Variants in ABHD10 observed in about 807,000 individuals in gnomAD.
The protein encoded by ABHD10 is abhydrolase domain containing 10, depalmitoylase, also known as palmitoyl-protein thioesterase ABHD10, mitochondrial.
ABHD10 carries 22 observed loss-of-function variants against 33.1 expected under a neutral mutation model. The ratio of observed to expected loss-of-function variants is 0.66; its 90% CI spans 0.47 to 0.95. The LOEUF (loss-of-function observed/expected upper bound fraction) is 0.95, where lower values mean the gene tolerates loss of function less well. Ranked by LOEUF, ABHD10 falls within the 40% of genes least tolerant of loss-of-function variation. ABHD10 has a pLI of 0.00. For synonymous variants in ABHD10, 146 were observed against 133.9 expected, an observed-to-expected ratio of 1.09 and a Z score of -0.62; for missense variants, 352 against 379.9, an observed-to-expected ratio of 0.93 and a Z score of 0.61.
chr3:111,991,572 A>G lies in ABHD10; in HGVS notation c.772A>G (p.Met258Val), dbSNP rs748865561. Residue 258 changes from methionine (M) to valine (V), a missense_variant, in exon 5 of 5, where the codon ATG becomes GTG. Physicochemically the swap from Met to Val is conservative, Grantham distance 21 (BLOSUM62 1). Coordinates refer to ENST00000273359, the MANE Select transcript of ABHD10 (RefSeq NM_018394.4). ...KDDIVPWHTS[M>V]QVADRVLSTD... ...TGACATTGTACCTTGGCATACATCA[A>G]TGCAGGTTGCCGATCGAGTACTCAG... The G allele has an allele frequency of 3.7e-6, 6 of 1,614,164 alleles. No homozygotes were observed. Among genetic ancestry groups the G allele is most frequent in the Non-Finnish European group, 5.1e-6 (6 of 1,179,994 alleles).
At chr3:111,989,668 TCTTTA>T (rs1471615332) in intron 4 of ABHD10, among the ~76,000 whole-genome samples, 1 of 152,204 alleles carries the variant, frequency 6.6e-6, no homozygotes, top group Admixed American at 6.5e-5. Flanking sequence ...CTAAATGTCA[TCTTTA>T]CTTTAAATAT....
At chr3:111,982,709 A>G (rs2072602238) in intron 2 of ABHD10, among the ~76,000 whole-genome samples, 1 of 152,164 alleles carries the variant, frequency 6.6e-6, no homozygotes. Context: ...AGGAGGTTGG[A>G]CTAGAGATAA....
chr3:111,988,928 C>T (rs767992094), intron 4 of ABHD10, among the ~76,000 whole-genome samples: 5 of 152,142 alleles, frequency 3.3e-5, no homozygotes, highest in Admixed American at 6.5e-5. Flanking sequence ...TCACATCAGT[C>T]AGAGTGAGCA....
chr3:111,986,280 G>T lies in ABHD10; in HGVS notation c.343G>T (p.Val115Phe), dbSNP rs1252249538. 3 of 1,612,748 alleles carry T rather than the reference G, an allele frequency of 1.9e-6. No homozygotes were observed. The highest frequency in any genetic ancestry group is 2.5e-6 in the Non-Finnish European group (3 of 1,179,026). ...HACIRFDYSGVGSSDGNSEES... is the reference protein window; with the variant it reads ...HACIRFDYSGFGSSDGNSEES... The stretch of plus-strand genomic sequence containing the variant: ...TTTTTCCAGGTTTGATTACTCAGGA[G>T]TTGGAAGTTCAGATGGTAACTCAGA... Residue 115 changes from valine (V) to phenylalanine (F), a missense_variant, in exon 3 of 5, where the codon GTT becomes TTT. Transcript: ENST00000273359.
At chr3:111,986,436 T>TGTTTC in intron 3 of ABHD10, 61 bp downstream of exon 3, 3 of 1,299,894 alleles carry the variant, frequency 2.3e-6, no homozygotes. Context: ...CTGTTTGTTT[T>TGTTTC]GTTTTGTTTT....
chr3:111,988,016 A>G (rs2072691346), intron 4 of ABHD10, among the ~76,000 whole-genome samples: 1 of 152,204 alleles, frequency 6.6e-6, no homozygotes, highest in Admixed American at 6.5e-5. Flanking sequence ...GGTATGGCCC[A>G]GCAGTCTGTG....
rs2072749743 is a variant in ABHD10 at position 111,992,212 on chromosome 3, A to T, written c.*491A>T. ...AAGTTCACAATAAGGATAATACTTT[A>T]TATAATGTATAAAGTATATATAATA... On this transcript the variant is annotated 3_prime_UTR_variant, in exon 5 of 5. Coordinates refer to ENST00000273359, the MANE Select transcript of ABHD10 (RefSeq NM_018394.4). 1 of 145,384 alleles carries T rather than the reference A, an allele frequency of 6.9e-6. No homozygotes were observed. Among genetic ancestry groups the T allele is most frequent in the African/African-American group, 2.5e-5 (1 of 39,654 alleles). The allele number at this position is 145,384 out of a possible 1,614,324, so 9.0% of individuals were successfully genotyped here.
intron 3 of ABHD10, 53 bp downstream of exon 3, chr3:111,986,428 G>GTTTGTTTTGTTTTGTTTTGTTTTGT: frequency 9.8e-7 from 1 of 1,018,750 alleles, no homozygotes; most frequent in African/African-American, 1.7e-5. Context: ...TATTTAAGCT[G>GTTTGTTTTGTTTTGTTTTGTTTTGT]TTTGTTTTGT....
At chr3:111,984,130 G>T (rs78882596) in intron 2 of ABHD10, among the ~76,000 whole-genome samples, 3,005 of 152,234 alleles carry the variant, frequency 0.02, 38 homozygotes, top group Non-Finnish European at 0.027. Flanking sequence ...GAGAAAAGGA[G>T]AAAATTAGTT....
At position 111,983,309 on chromosome 3, in the gene ABHD10, T is replaced by C. The variant is rs945102084; in HGVS notation, c.326+1342T>C. On this transcript the variant is annotated intron_variant, in intron 2 of 4. Transcript: ENST00000273359. ...GCAGAAGATCATAATATCAAAAATA[T>C]TGTTATCACTTTTCTTTTTTGCCAC... 1.7e-4 allele frequency among the ~76,000 whole-genome samples: 26 copies of C among 152,282 alleles called. No individual in the cohort carries two copies. In the East Asian group the frequency reaches 1.7e-3, roughly 10 times the overall value.
intron 1 of ABHD10, among the ~76,000 whole-genome samples, chr3:111,981,140 C>CA (rs1289544549): frequency 2.0e-5 from 3 of 151,394 alleles, no homozygotes; most frequent in Non-Finnish European, 4.4e-5. Context: ...CCTGTCTCCA[C>CA]AAAAAATACA....
rs771181963 is a variant in ABHD10, at chr3:111,979,034, A to G, written c.-28A>G. The G allele has an allele frequency of 5.0e-6, 8 of 1,603,228 alleles. No homozygotes were observed. In the African/African-American group the frequency reaches 6.7e-5, roughly 13 times the overall value. ...TGCGTAGCGTGTCCCTCAGTGGGAC[A>G]CTGCAGGGTGCGGGGACAACTACGA... On this transcript the variant is annotated 5_prime_UTR_variant, in exon 1 of 5. Coordinates refer to ENST00000273359, the MANE Select transcript of ABHD10 (RefSeq NM_018394.4).
At chr3:111,980,398 A>G (rs553619875) in intron 1 of ABHD10, among the ~76,000 whole-genome samples, 1 of 152,344 alleles carries the variant, frequency 6.6e-6, no homozygotes, top group African/African-American at 2.4e-5. Flanking sequence ...CTTCTTAATT[A>G]CAAAATGGGG....
intron 1 of ABHD10, among the ~76,000 whole-genome samples, chr3:111,980,177 G>A (rs1016745948): frequency 2.6e-5 from 4 of 152,104 alleles, no homozygotes; most frequent in Non-Finnish European, 2.9e-5. Flanking sequence ...TCATCTCGGG[G>A]AAATTATGTT....
At chr3:111,989,042 C>A (rs1206198987) in intron 4 of ABHD10, among the ~76,000 whole-genome samples, 1 of 152,174 alleles carries the variant, frequency 6.6e-6, no homozygotes, top group East Asian at 1.9e-4. Context: ...GCATGTTGAG[C>A]CCTTGGTTAA....
In ABHD10 at chr3:111,979,033, C is replaced by G. The variant is rs747441633; in HGVS notation, c.-29C>G. The G allele has an allele frequency of 6.2e-7, 1 of 1,602,216 alleles. No individual in the cohort carries two copies. The highest frequency in any genetic ancestry group is 1.3e-5 in the African/African-American group (1 of 74,824). ...TTGCGTAGCGTGTCCCTCAGTGGGA[C>G]ACTGCAGGGTGCGGGGACAACTACG... On this transcript the variant is annotated 5_prime_UTR_variant, in exon 1 of 5. Coordinates refer to ENST00000273359, the MANE Select transcript of ABHD10 (RefSeq NM_018394.4).
At position 111,981,800 on chromosome 3, in the gene ABHD10, G is replaced by A. The variant is rs201136439; in HGVS notation, c.159G>A (p.Thr53=). The change falls in exon 2 of 5, where the codon ACG becomes ACA. Residue 53 remains threonine, a synonymous_variant. Transcript: ENST00000273359. The part of the protein sequence containing the change: ...PRWLPACRQK[T]SLSFLNRPDL... ...TTTGTTTAGCTTGTAGACAAAAGAC[G>A]TCACTCTCATTCCTTAATCGACCAG... 87 of 1,558,680 alleles carry A rather than the reference G, an allele frequency of 5.6e-5. 1 individual carries two copies. The Middle Eastern group carries it at 1.0e-3, about 18-fold the overall frequency.
In ABHD10 at chr3:111,982,113, A is replaced by C. The variant is rs551866803; in HGVS notation, c.326+146A>C. On this transcript the variant is annotated intron_variant, in intron 2 of 4. Transcript: ENST00000273359. ...AAACTTGCATCTTGTGATTTAGGGT[A>C]ATTTTAAAAGCAACCTTTAAAAGAC... The C allele has an allele frequency of 8.4e-6, 6 of 716,072 alleles. No homozygotes were observed. In the African/African-American group the frequency reaches 1.1e-4, roughly 13 times the overall value. The allele number at this position is 716,072 out of a possible 1,614,324, so 44.4% of individuals were successfully genotyped here.
intron 1 of ABHD10, 67 bp downstream of exon 1, chr3:111,979,270 G>C: frequency 6.6e-7 from 1 of 1,508,702 alleles, no homozygotes; most frequent in Non-Finnish European, 8.9e-7. Flanking sequence ...CAGTTACCGT[G>C]CCTGTGCAGT....
Sources: gnomAD v4.1 joint callset for allele counts (sites outside exome capture counted in the v4.1 genomes callset) on GRCh38, gnomAD v4.1.1 for gene constraint, MANE v1.5 for transcripts, NCBI Gene and HGNC (gene_info 2026-07-23, HGNC 2026-07-21) for gene names.